Variants in GPAM observed in about 807,000 individuals in gnomAD.
The protein encoded by GPAM is glycerol-3-phosphate acyltransferase 1, mitochondrial.
GPAM carries 56 observed loss-of-function variants against 105.0 expected under a neutral mutation model. The observed-to-expected ratio is 0.53, with a 90% CI of 0.43 to 0.67. The LOEUF (loss-of-function observed/expected upper bound fraction) is 0.67, where lower values mean the gene tolerates loss of function less well. Ranked by LOEUF, GPAM falls within the 30% of genes least tolerant of loss-of-function variation. The pLI is 0.00. For synonymous variants in GPAM, 368 were observed against 354.4 expected (o/e 1.04, Z -0.43); for missense variants, 855 against 989.8 (o/e 0.86, Z 1.83).
Position 112,151,778 on chromosome 10 carries a change from G to A in GPAM, c.*1772C>T. On this transcript the variant is annotated 3_prime_UTR_variant, in exon 22 of 22. Transcript: ENST00000348367. The stretch of plus-strand genomic sequence containing the variant: ...GACTAGTGAAATGTTTGCTTCCCCA[G>A]ATAAGGAACACCCAAGACTCCCTGG... 1 of 984,638 alleles carries A rather than the reference G, an allele frequency of 1.0e-6. No homozygotes were observed. Among genetic ancestry groups the A allele is most frequent in the Non-Finnish European group, 1.2e-6 (1 of 829,300 alleles). 61.0% of individuals were successfully genotyped at this position (984,638 alleles called of 1,614,324 possible). A position where few individuals can be genotyped will look rare whatever the true frequency, so the allele number is the denominator to read the frequency against.
intron 8 of GPAM, 100 bp downstream of exon 8, chr10:112,172,870 G>T: frequency 1.3e-6 from 1 of 765,142 alleles, no homozygotes; most frequent in South Asian, 1.4e-5. Flanking sequence ...CAAATGGGTT[G>T]AAATACATCA....
chr10:112,191,536 A>G (rs1310381398), intron 1 of GPAM, among the ~76,000 whole-genome samples: 2 of 152,192 alleles, frequency 1.3e-5, no homozygotes, highest in Admixed American at 6.5e-5. Context: ...GCTTGTTCTT[A>G]GGGAATAAAA....
chr10:112,175,131 C>T (rs1055009512), intron 6 of GPAM, among the ~76,000 whole-genome samples: 1 of 152,106 alleles, frequency 6.6e-6, no homozygotes, highest in African/African-American at 2.4e-5. Context: ...TAAGCAAGCT[C>T]CTGTAAGAGC....
intron 21 of GPAM, 25 bp from the exon 22 acceptor site, chr10:112,153,691 T>C (rs751287587): frequency 6.2e-7 from 1 of 1,606,338 alleles, no homozygotes; most frequent in Non-Finnish European, 8.5e-7. Flanking sequence ...TAGATTAAAT[T>C]AAAGGCAAAA....
At chr10:112,180,897 CTCTAG>C (rs1847496628) in intron 3 of GPAM, among the ~76,000 whole-genome samples, 1 of 152,166 alleles carries the variant, frequency 6.6e-6, no homozygotes, top group African/African-American at 2.4e-5. Flanking sequence ...ACTCCTGGAT[CTCTAG>C]TCTAACAATT....
rs778716217 is a variant in GPAM, at chr10:112,164,584, T to C, written c.1248A>G (p.Lys416=). The C allele has an allele frequency of 2.5e-6, 4 of 1,604,948 alleles. No individual in the cohort carries two copies. The South Asian group carries it at 4.4e-5, about 18-fold the overall frequency. The change falls in exon 13 of 22, where the codon AAA becomes AAG. Residue 416 remains lysine, a synonymous_variant. Transcript: ENST00000348367. ...CCAGGGAAAGTAGAGCAGACACCGG[T>C]TTCTGACTTTGGCTTTCTAAATATT... The part of the protein sequence containing the change: ...LKEYLESQSQ[K]PVSALLSLEQ...
At chr10:112,201,312 A>C (rs1443731540) in intron 1 of GPAM, among the ~76,000 whole-genome samples, 2 of 152,232 alleles carry the variant, frequency 1.3e-5, no homozygotes, top group African/African-American at 4.8e-5. Context: ...GATGATACTT[A>C]GAACAAATAT....
chr10:112,181,695 T>C lies in GPAM; in HGVS notation c.90A>G (p.Thr30=), dbSNP rs761175572. 1 of 1,586,802 alleles carries C rather than the reference T, an allele frequency of 6.3e-7. No individual in the cohort carries two copies. Among genetic ancestry groups the C allele is most frequent in the East Asian group, 2.2e-5 (1 of 44,692 alleles). ...ATCCTAAACTTACCCATTCCTCACT[T>C]GTGTGCTTACATCGACCAACACTGT... ...SEYSVGRCKH[T]SEEWGECGFR... Residue 30 remains threonine (T), a synonymous_variant, in exon 3 of 22, where the codon ACA becomes ACG. Coordinates refer to ENST00000348367, the MANE Select transcript of GPAM (RefSeq NM_001244949.2).
chr10:112,160,308 C>T, intron 16 of GPAM: 4 of 796,656 alleles, frequency 5.0e-6, no homozygotes, highest in Non-Finnish European at 6.1e-6. Context: ...TGAGGCCCTC[C>T]ACTCACTTTG....
At chr10:112,167,492 G>A (rs532448355) in intron 11 of GPAM, among the ~76,000 whole-genome samples, 1 of 152,224 alleles carries the variant, frequency 6.6e-6, no homozygotes, top group African/African-American at 2.4e-5. Context: ...GTTAACAGTA[G>A]AATAAATTAT....
In GPAM at chr10:112,168,529, G is replaced by C. The variant is rs1337263676; in HGVS notation, c.895-5C>G. 2 of 1,563,418 alleles carry C rather than the reference G, an allele frequency of 1.3e-6. No individual in the cohort carries two copies. The highest frequency in any genetic ancestry group is 1.8e-6 in the Non-Finnish European group (2 of 1,133,828). ...TCGAAGTAATTCAACTATATGCTGG[G>C]ATATAAGAAGAAAGTAAAACATACA... On this transcript the variant is annotated splice_polypyrimidine_tract_variant and splice_region_variant and intron_variant, in intron 10 of 21. Transcript: ENST00000348367.
intron 4 of GPAM, among the ~76,000 whole-genome samples, chr10:112,179,830 A>G (rs559963767): frequency 6.6e-6 from 1 of 152,320 alleles, no homozygotes; most frequent in South Asian, 2.1e-4. Context: ...AACTACGTGA[A>G]GTTCTTGTTC....
chr10:112,156,215 G>T (rs1847015774), intron 19 of GPAM, 162 bp from the exon 20 acceptor site: 2 of 660,370 alleles, frequency 3.0e-6, no homozygotes, highest in Admixed American at 4.6e-5. Flanking sequence ...GAGAATCTCT[G>T]CTGGAAACAA....
In GPAM at chr10:112,150,583, A is replaced by G; in HGVS notation, c.*2967T>C. 1.0e-6 allele frequency: 1 copy of G among 978,474 alleles called. No individual in the cohort carries two copies. The highest frequency in any genetic ancestry group is 1.2e-6 in the Non-Finnish European group (1 of 823,364). 60.6% of individuals were successfully genotyped at this position (978,474 alleles called of 1,614,324 possible). A position where few individuals can be genotyped will look rare whatever the true frequency, so the allele number is the denominator to read the frequency against. ...GAACTATCTAACATAGTGTTTCCCA[A>G]AATGTTCTCCACAGGACATTAGTGA... On this transcript the variant is annotated 3_prime_UTR_variant, in exon 22 of 22. Transcript: ENST00000348367.
chr10:112,167,940 A>G (rs547700715), intron 11 of GPAM, among the ~76,000 whole-genome samples: 214 of 152,346 alleles, frequency 1.4e-3, no homozygotes, highest in African/African-American at 4.9e-3. Context: ...AAGTTCTTCA[A>G]GCCCAATTTA....
upstream of GPAM, among the ~76,000 whole-genome samples, chr10:112,218,142 T>C (rs1343905222): frequency 6.6e-6 from 1 of 152,228 alleles, no homozygotes; most frequent in African/African-American, 2.4e-5. Context: ...GCTTCCTTCC[T>C]AACAGCCTAC....
At chr10:112,188,978 C>T (rs1227241160) in intron 1 of GPAM, among the ~76,000 whole-genome samples, 1 of 152,150 alleles carries the variant, frequency 6.6e-6, no homozygotes, top group African/African-American at 2.4e-5. Flanking sequence ...TTCAGAGGCT[C>T]CCTTTCAGAC....
chr10:112,193,545 G>T (rs1847687599), intron 1 of GPAM, among the ~76,000 whole-genome samples: 3 of 152,200 alleles, frequency 2.0e-5, no homozygotes. Flanking sequence ...CCATGGGTTA[G>T]AAACTATTAT....
chr10:112,210,090 C>T (rs571614879), intron 1 of GPAM, among the ~76,000 whole-genome samples: 6 of 152,316 alleles, frequency 3.9e-5, no homozygotes, highest in South Asian at 4.1e-4. Context: ...TTACGTCTGA[C>T]GTGCTGTGGC....
Sources: allele counts gnomAD v4.1 joint callset (sites outside exome capture counted in the v4.1 genomes callset), GRCh38; gene constraint gnomAD v4.1.1; transcripts MANE v1.5; gene names NCBI Gene and HGNC (gene_info 2026-07-23, HGNC 2026-07-21).